PRKG1: variants seen among roughly 807,000 people sequenced by gnomAD.
The protein encoded by PRKG1 is protein kinase cGMP-dependent 1.
In PRKG1, 35 loss-of-function variants were observed where a neutral mutation model predicts 88.1. The ratio of observed to expected loss-of-function variants is 0.40; its 90% CI spans 0.30 to 0.53. The LOEUF is 0.53. Ranked by LOEUF, PRKG1 falls within the 20% of genes least tolerant of loss-of-function variation. The probability of loss-of-function intolerance (pLI) is 0.59; values close to 1 mark genes in which losing one functional copy is unlikely to be tolerated. For synonymous variants in PRKG1, 303 were observed against 292.5 expected (o/e 1.04, Z -0.37); for missense variants, 540 against 839.8 (o/e 0.64, Z 4.41).
chr10:51,763,751 A>T (rs1163083637), intron 3 of PRKG1, among the ~76,000 whole-genome samples: 2 of 152,062 alleles, frequency 1.3e-5, no homozygotes, highest in Non-Finnish European at 2.9e-5. Context: ...AAAAAAAAGG[A>T]ATTTATTTCT....
At chr10:52,076,659 A>G (rs1846637137) in intron 7 of PRKG1, among the ~76,000 whole-genome samples, 3 of 152,268 alleles carry the variant, frequency 2.0e-5, no homozygotes, top group African/African-American at 4.8e-5. Context: ...ACAGACTGGG[A>G]GAAAATATTT....
In PRKG1 at chr10:51,597,171, T is replaced by C. The variant is rs1206176001; in HGVS notation, c.592+129335T>C. On this transcript the variant is annotated intron_variant, in intron 3 of 17. Coordinates refer to ENST00000373980, the MANE Select transcript of PRKG1 (RefSeq NM_006258.4). ...GAAAACTAAACTAACCTTCTAGAGTTTGTTTTTTTTTTAAACCTGTAATTT... is the reference window on the plus strand; with the variant it reads ...GAAAACTAAACTAACCTTCTAGAGTCTGTTTTTTTTTTAAACCTGTAATTT... Among the ~76,000 whole-genome samples the C allele has an allele frequency of 2.7e-5, 4 of 149,056 alleles. No homozygotes were observed. The East Asian group carries it at 7.7e-4, about 29-fold the overall frequency.
At chr10:51,967,289 T>C (rs946538951) in intron 5 of PRKG1, among the ~76,000 whole-genome samples, 1 of 152,132 alleles carries the variant, frequency 6.6e-6, no homozygotes, top group Non-Finnish European at 1.5e-5. Flanking sequence ...GAAACCATCA[T>C]TCTCAGCAAA....
intron 3 of PRKG1, among the ~76,000 whole-genome samples, chr10:51,523,607 C>T (rs1033265698): frequency 1.3e-5 from 2 of 152,060 alleles, no homozygotes; most frequent in Non-Finnish European, 2.9e-5. Context: ...CTAACTTTAT[C>T]CTTATTTGTT....
chr10:51,960,454 G>A (rs1398386329), intron 5 of PRKG1, among the ~76,000 whole-genome samples: 1 of 152,030 alleles, frequency 6.6e-6, no homozygotes, highest in Non-Finnish European at 1.5e-5. Context: ...ATATTTATGG[G>A]AGTAAGATAC....
chr10:51,300,868 A>G (rs549423734), intron 2 of PRKG1, among the ~76,000 whole-genome samples: 1 of 152,314 alleles, frequency 6.6e-6, no homozygotes, highest in African/African-American at 2.4e-5. Flanking sequence ...CAATCCAAAT[A>G]AGACTTAATT....
chr10:51,277,027 G>T (rs1316127948), intron 2 of PRKG1, among the ~76,000 whole-genome samples: 2 of 152,154 alleles, frequency 1.3e-5, no homozygotes, highest in Non-Finnish European at 2.9e-5. Context: ...TAGACATGAA[G>T]TTCTTGCCCA....
chr10:51,206,145 TTC>T (rs1386448807), intron 2 of PRKG1, among the ~76,000 whole-genome samples: 1 of 152,170 alleles, frequency 6.6e-6, no homozygotes, highest in Non-Finnish European at 1.5e-5. Flanking sequence ...TACTTTGTAA[TTC>T]TGTTTTTAAA....
At chr10:51,852,332 A>G (rs201278240) in intron 4 of PRKG1, among the ~76,000 whole-genome samples, 2 of 151,112 alleles carry the variant, frequency 1.3e-5, no homozygotes, top group East Asian at 1.9e-4. Flanking sequence ...ATATATATAC[A>G]TATACACACA....
At chr10:51,620,359 T>G (rs954550211) in intron 3 of PRKG1, among the ~76,000 whole-genome samples, 1 of 151,702 alleles carries the variant, frequency 6.6e-6, no homozygotes, top group African/African-American at 2.4e-5. Flanking sequence ...GTCATTTGGC[T>G]CTCTATTCAC....
chr10:51,963,973 T>C (rs1843509046), intron 5 of PRKG1, among the ~76,000 whole-genome samples: 1 of 152,190 alleles, frequency 6.6e-6, no homozygotes, highest in Non-Finnish European at 1.5e-5. Flanking sequence ...CTGAAACGAA[T>C]CTAACAGATT....
chr10:52,124,012 A>G (rs570132156), intron 7 of PRKG1, among the ~76,000 whole-genome samples: 43 of 152,204 alleles, frequency 2.8e-4, no homozygotes, highest in African/African-American at 1.0e-3. Context: ...TATGTTCTAT[A>G]TGTTGTGACA....
At chr10:51,513,142 T>G (rs983009801) in intron 3 of PRKG1, among the ~76,000 whole-genome samples, 3 of 151,332 alleles carry the variant, frequency 2.0e-5, no homozygotes, top group African/African-American at 7.3e-5. Context: ...AATAAAAGGA[T>G]GGAGGAAGAT....
chr10:51,683,562 G>C (rs1173791858), intron 3 of PRKG1, among the ~76,000 whole-genome samples: 1 of 152,080 alleles, frequency 6.6e-6, no homozygotes, highest in African/African-American at 2.4e-5. Flanking sequence ...CTGGGGTTTG[G>C]GTAGGGTTTT....
In PRKG1 at chr10:51,068,859, A is replaced by G. The variant is rs936889352; in HGVS notation, c.266+77215A>G. On this transcript the variant is annotated intron_variant, in intron 1 of 17. Transcript: ENST00000401604. ...TCATGTACATATTCATTACGCTTCA[A>G]ATGCAGTAAAATGGTGTCTTGTGAA... 3.9e-5 allele frequency among the ~76,000 whole-genome samples: 6 copies of G among 152,054 alleles called. No homozygotes were observed. The South Asian group carries it at 1.2e-3, about 31-fold the overall frequency.
chr10:51,291,646 G>A (rs949590879), intron 2 of PRKG1, among the ~76,000 whole-genome samples: 1 of 152,186 alleles, frequency 6.6e-6, no homozygotes, highest in South Asian at 2.1e-4. Context: ...CAAAACTTAA[G>A]AGGAATGGGT....
intron 3 of PRKG1, among the ~76,000 whole-genome samples, chr10:51,565,984 A>G (rs1837593096): frequency 1.3e-5 from 2 of 152,118 alleles, no homozygotes; most frequent in South Asian, 2.1e-4. Flanking sequence ...AAGAAGAAAA[A>G]TAGATATAGC....
chr10:51,495,261 A>AT (rs1246279374), intron 3 of PRKG1, among the ~76,000 whole-genome samples: 3 of 151,968 alleles, frequency 2.0e-5, no homozygotes, highest in Non-Finnish European at 4.4e-5. Context: ...CACCCAGCTA[A>AT]TTTTTTGTAT....
chr10:51,674,891 T>G (rs976608343), intron 3 of PRKG1, among the ~76,000 whole-genome samples: 3 of 152,130 alleles, frequency 2.0e-5, no homozygotes, highest in African/African-American at 7.2e-5. Context: ...AATATTAATA[T>G]GCGAGTTAAA....
Sources: allele counts gnomAD v4.1 joint callset (sites outside exome capture counted in the v4.1 genomes callset), GRCh38; gene constraint gnomAD v4.1.1; transcripts MANE v1.5; gene names NCBI Gene and HGNC (gene_info 2026-07-23, HGNC 2026-07-21).